EEIG2: variants seen among roughly 807,000 people sequenced by gnomAD.
EEIG2 encodes family with sequence similarity 102 member B.
At chr1:108,582,863 G>A in the EEIG2 span, among the ~76,000 whole-genome samples, 1 of 151,134 alleles carries the variant, frequency 6.6e-6, no homozygotes, top group Non-Finnish European at 1.5e-5. Flanking sequence ...GCATATTTGG[G>A]GGATGCAGTG....
chr1:108,604,253 T>A, the EEIG2 span, among the ~76,000 whole-genome samples: 2 of 152,198 alleles, frequency 1.3e-5, no homozygotes, highest in Non-Finnish European at 2.9e-5. Flanking sequence ...GATCTAATTA[T>A]AATTGTAAGT....
At chr1:108,606,248 C>A in the EEIG2 span, 2 of 1,563,888 alleles carry the variant, frequency 1.3e-6, no homozygotes, top group Admixed American at 1.8e-5. Flanking sequence ...AAAGCTTATG[C>A]AAAGGTAAGC....
chr1:108,564,472 A>G, the EEIG2 span, among the ~76,000 whole-genome samples: 1 of 152,194 alleles, frequency 6.6e-6, no homozygotes, highest in South Asian at 2.1e-4. Flanking sequence ...GGTGGAAGAT[A>G]TAGTGGGTTA....
the EEIG2 span, among the ~76,000 whole-genome samples, chr1:108,583,571 GTTC>G: frequency 6.6e-6 from 1 of 151,856 alleles, no homozygotes; most frequent in East Asian, 1.9e-4. Context: ...TTAAGTAACA[GTTC>G]TTCTGTTTTG....
the EEIG2 span, among the ~76,000 whole-genome samples, chr1:108,568,347 G>A: frequency 6.6e-6 from 1 of 152,088 alleles, no homozygotes; most frequent in East Asian, 1.9e-4. Flanking sequence ...AATTATGTTC[G>A]GTTTGGGGTG....
At chr1:108,625,793 TGTGTGTGTGTGTGTGTGTGTGTGTGTGTG>T in the EEIG2 span, 1 of 138,860 alleles carries the variant, frequency 7.2e-6, no homozygotes, top group African/African-American at 2.5e-5. Context: ...TGTGTGTGTG[TGTGTGTGTGTGTGTGTGTGTGTGTGTGTG>T]TGTGTGGAGA....
the EEIG2 span, among the ~76,000 whole-genome samples, chr1:108,621,251 A>G: frequency 2.0e-5 from 3 of 152,184 alleles, no homozygotes; most frequent in South Asian, 6.2e-4. Flanking sequence ...TTCAGAACAA[A>G]AGGGGTAATG....
chr1:108,598,390 T>C, the EEIG2 span, among the ~76,000 whole-genome samples: 1 of 151,518 alleles, frequency 6.6e-6, no homozygotes, highest in African/African-American at 2.4e-5. Flanking sequence ...TTATTTTTAT[T>C]ACTATTCACA....
the EEIG2 span, among the ~76,000 whole-genome samples, chr1:108,613,518 C>T: frequency 6.6e-6 from 1 of 152,040 alleles, no homozygotes; most frequent in Non-Finnish European, 1.5e-5. Flanking sequence ...AATTTCAGAC[C>T]CCCACTTTCC....
the EEIG2 span, among the ~76,000 whole-genome samples, chr1:108,607,961 C>T: frequency 6.6e-6 from 1 of 152,142 alleles, no homozygotes; most frequent in Non-Finnish European, 1.5e-5. Flanking sequence ...CATATCGTTC[C>T]CCCATTTTTA....
At chr1:108,638,549 C>T in the EEIG2 span, 2 of 152,184 alleles carry the variant, frequency 1.3e-5, no homozygotes, top group Non-Finnish European at 2.9e-5. Flanking sequence ...AAACTGGGCT[C>T]ATATGACGGG....
the EEIG2 span, among the ~76,000 whole-genome samples, chr1:108,593,478 G>A: frequency 1.3e-5 from 2 of 152,202 alleles, no homozygotes; most frequent in East Asian, 3.9e-4. Flanking sequence ...CCTGTAAGCT[G>A]CAAGGGAGGT....
chr1:108,585,837 CG>C, the EEIG2 span, among the ~76,000 whole-genome samples: 1 of 152,040 alleles, frequency 6.6e-6, no homozygotes, highest in African/African-American at 2.4e-5. Context: ...CTGGCCATGT[CG>C]TTGGCTCATT....
the EEIG2 span, chr1:108,624,960 C>T: frequency 1.9e-6 from 1 of 520,524 alleles, no homozygotes; most frequent in Non-Finnish European, 3.5e-6. Flanking sequence ...TGACACTCTC[C>T]TCACTGTATG....
chr1:108,625,737 C>G, the EEIG2 span: 2 of 152,720 alleles, frequency 1.3e-5, no homozygotes, highest in African/African-American at 2.4e-5. Context: ...TCTTCCCCCA[C>G]TCTGCCCCAA....
chr1:108,572,787 T>G, the EEIG2 span, among the ~76,000 whole-genome samples: 1 of 152,120 alleles, frequency 6.6e-6, no homozygotes, highest in Non-Finnish European at 1.5e-5. Flanking sequence ...GGCTAATTTT[T>G]TTTGTATCTT....
At chr1:108,568,468 G>A in the EEIG2 span, among the ~76,000 whole-genome samples, 4 of 151,900 alleles carry the variant, frequency 2.6e-5, no homozygotes, top group African/African-American at 9.7e-5. Context: ...AGAAGATAAT[G>A]GTCTTCAAAT....
At chr1:108,628,843 A>G in the EEIG2 span, 4 of 1,585,484 alleles carry the variant, frequency 2.5e-6, no homozygotes, top group Non-Finnish European at 2.6e-6. Context: ...CCTGCAATCC[A>G]GGTTTTTGTA....
chr1:108,599,160 G>A, the EEIG2 span, among the ~76,000 whole-genome samples: 1 of 151,616 alleles, frequency 6.6e-6, no homozygotes, highest in Non-Finnish European at 1.5e-5. Flanking sequence ...GTGAGAGCCT[G>A]TCTCAAAAAC....
Sources: allele counts gnomAD v4.1 joint callset (sites outside exome capture counted in the v4.1 genomes callset), GRCh38; gene constraint gnomAD v4.1.1; transcripts MANE v1.5; gene names NCBI Gene and HGNC (gene_info 2026-07-23, HGNC 2026-07-21).